The following TMEM238 variants were observed in gnomAD, a reference collection of about 807,000 sequenced individuals.
TMEM238 encodes transmembrane protein 238.
For missense variants in TMEM238, 169 were observed against 206.8 expected (o/e 0.82, Z 1.12); for synonymous variants, 103 against 111.5 (o/e 0.92, Z 0.48).
intron 1 of TMEM238, among the ~76,000 whole-genome samples, chr19:55,380,777 A>C (rs980101027): frequency 6.3e-5 from 9 of 143,720 alleles, no homozygotes; most frequent in Admixed American, 3.5e-4. Context: ...TCACTCTGTC[A>C]CTCAGGCTGG....
chr19:55,381,394 GACA>G (rs2089886164), intron 1 of TMEM238, among the ~76,000 whole-genome samples: 1 of 111,686 alleles, frequency 9.0e-6, no homozygotes, highest in Non-Finnish European at 1.7e-5. Flanking sequence ...CTCCAGCCTG[GACA>G]ACAAGAGTGT....
chr19:55,380,122 C>G lies in TMEM238; in HGVS notation c.*8-755G>C, dbSNP rs905094399. On this transcript the variant is annotated intron_variant, in intron 1 of 1. Coordinates refer to ENST00000444469, the MANE Select transcript of TMEM238 (RefSeq NM_001190764.2). ...GAAGCTGCTCACTCTCCCCAGTAAA[C>G]AAGAGTCCTGGGTTTGAACAGGCCC... is the stretch of plus-strand genomic sequence containing the variant. Among the ~76,000 whole-genome samples, 315 of 152,040 alleles carry G rather than the reference C, an allele frequency of 2.1e-3. 2 individuals carry two copies. The highest frequency in any genetic ancestry group is 1.2e-3 in the Non-Finnish European group (80 of 67,968).
chr19:55,381,663 C>T (rs1320042519), intron 1 of TMEM238, among the ~76,000 whole-genome samples: 4 of 152,102 alleles, frequency 2.6e-5, no homozygotes, highest in African/African-American at 9.7e-5. Flanking sequence ...GCTGGGCAAA[C>T]TCTGACTGTC....
intron 1 of TMEM238, among the ~76,000 whole-genome samples, chr19:55,380,963 C>A (rs1178193452): frequency 1.3e-5 from 2 of 152,178 alleles, no homozygotes; most frequent in Non-Finnish European, 2.9e-5. Flanking sequence ...CTATGCCAAG[C>A]TTCATGTTAG....
Position 55,384,110 on chromosome 19 carries a change from C to T in TMEM238, c.150G>A (p.Ala50=). 2 of 1,451,186 alleles carry T rather than the reference C, an allele frequency of 1.4e-6. No homozygotes were observed. Among genetic ancestry groups the T allele is most frequent in the South Asian group, 2.5e-5 (2 of 79,406 alleles). 89.9% of individuals were successfully genotyped at this position (1,451,186 alleles called of 1,614,324 possible). Reference sequence around the variant, plus strand: ...GCGCGAACACGCCGGTCAGCAGCGCCGCCATGCCCGCCACATCCAGCGCCA... The same window carrying T: ...GCGCGAACACGCCGGTCAGCAGCGCTGCCATGCCCGCCACATCCAGCGCCA... ...LAVALDVAGM[A]ALLTGVFAQL... Residue 50 remains alanine (A), a synonymous_variant, in exon 1 of 2, where the codon GCG becomes GCA. Coordinates refer to ENST00000444469, the MANE Select transcript of TMEM238 (RefSeq NM_001190764.2). The surrounding 1 kb of genome is among the most constrained non-coding windows in gnomAD (Gnocchi z 5.6).
intron 1 of TMEM238, among the ~76,000 whole-genome samples, chr19:55,382,666 G>A (rs1298495257): frequency 6.6e-6 from 1 of 152,146 alleles, no homozygotes; most frequent in Non-Finnish European, 1.5e-5. Context: ...AATATGGGGG[G>A]TCCACAGGCC....
chr19:55,383,821 G>A lies in TMEM238; in HGVS notation c.439C>T (p.Pro147Ser), dbSNP rs2089895939. 1.1e-5 allele frequency: 6 copies of A among 525,050 alleles called. No individual in the cohort carries two copies. The highest frequency in any genetic ancestry group is 1.5e-5 in the Non-Finnish European group (6 of 412,240). The allele number at this position is 525,050 out of a possible 1,614,324, so 32.5% of individuals were successfully genotyped here. The stretch of plus-strand genomic sequence containing the variant: ...CGGGAGCCGGCGGCGGGCGGCGGGG[G>A]CGCGCGGGCGGCTCGGCGCGCTCTC... ...SRRARRAARA[P>S]PPPAAGSRRV... Residue 147 changes from proline (P) to serine (S), a missense_variant, in exon 1 of 2, where the codon CCC becomes TCC. Physicochemically the swap from Pro to Ser is moderately conservative, Grantham distance 74. Coordinates refer to ENST00000444469, the MANE Select transcript of TMEM238 (RefSeq NM_001190764.2). The surrounding 1 kb of genome is among the most constrained non-coding windows in gnomAD (Gnocchi z 4.9).
rs2089895891 is a variant in TMEM238 at position 55,383,818 on chromosome 19, G to C, written c.442C>G (p.Pro148Ala). 2.0e-6 allele frequency: 1 copy of C among 498,488 alleles called. No homozygotes were observed. The highest frequency in any genetic ancestry group is 2.6e-6 in the Non-Finnish European group (1 of 388,088). 30.9% of individuals were successfully genotyped at this position (498,488 alleles called of 1,614,324 possible). A position where few individuals can be genotyped will look rare whatever the true frequency, so the allele number is the denominator to read the frequency against. ...RRARRAARAPPPPAAGSRRVR... is the reference protein window; with the variant it reads ...RRARRAARAPAPPAAGSRRVR... ...CGGCGGGAGCCGGCGGCGGGCGGCG[G>C]GGGCGCGCGGGCGGCTCGGCGCGCT... Residue 148 changes from proline (P) to alanine (A), a missense_variant, in exon 1 of 2, where the codon CCG becomes GCG. Transcript: ENST00000444469. This position sits in a 1 kb window ranked among gnomAD's most constrained non-coding sequence, Gnocchi z 4.9.
Position 55,383,421 on chromosome 19 carries a change from G to C in TMEM238, c.*7+301C>G, listed in dbSNP as rs2089893585. ...CAAAACAAAACAAAACAAAAAATGG[G>C]GCCTGGTGTACCTGGAAGCTGGGGC... On this transcript the variant is annotated intron_variant, in intron 1 of 1. Coordinates refer to ENST00000444469, the MANE Select transcript of TMEM238 (RefSeq NM_001190764.2). This position sits in a 1 kb window ranked among gnomAD's most constrained non-coding sequence, Gnocchi z 4.9. Among the ~76,000 whole-genome samples, 1 of 152,012 alleles carries C rather than the reference G, an allele frequency of 6.6e-6. No homozygotes were observed. Among genetic ancestry groups the C allele is most frequent in the African/African-American group, 2.4e-5 (1 of 41,402 alleles).
chr19:55,379,613 A>C (rs536945518), intron 1 of TMEM238, among the ~76,000 whole-genome samples: 2 of 152,142 alleles, frequency 1.3e-5, no homozygotes, highest in Non-Finnish European at 2.9e-5. Context: ...GAGAGGCAGA[A>C]AGGGGGAGAC....
chr19:55,380,532 C>G (rs1035545138), intron 1 of TMEM238, among the ~76,000 whole-genome samples: 1 of 148,892 alleles, frequency 6.7e-6, no homozygotes, highest in African/African-American at 2.5e-5. Flanking sequence ...TCAAGTGATT[C>G]TCCTGCCTCA....
intron 1 of TMEM238, among the ~76,000 whole-genome samples, chr19:55,381,593 C>T (rs1302500081): frequency 6.6e-6 from 1 of 152,084 alleles, no homozygotes; most frequent in Admixed American, 6.5e-5. Flanking sequence ...CATTCAGCCC[C>T]AACCATCTAT....
At chr19:55,379,732 G>A (rs910692334) in intron 1 of TMEM238, among the ~76,000 whole-genome samples, 8 of 152,116 alleles carry the variant, frequency 5.3e-5, no homozygotes, top group African/African-American at 1.9e-4. Context: ...CAGACACAGT[G>A]AAGACAGAAG....
intron 1 of TMEM238, among the ~76,000 whole-genome samples, chr19:55,379,614 AG>A (rs1190755000): frequency 6.6e-6 from 1 of 152,160 alleles, no homozygotes; most frequent in Non-Finnish European, 1.5e-5. Context: ...AGAGGCAGAA[AG>A]GGGGAGACGA....
In TMEM238 at chr19:55,384,090, A is replaced by G; in HGVS notation, c.170T>C (p.Phe57Ser). ...AGMAALLTGV[F>S]AQLQVRGRDF... is the part of the protein sequence containing the mutation. ...GCGGCCGCGCACCTGCAGCTGCGCG[A>G]ACACGCCGGTCAGCAGCGCCGCCAT... The change falls in exon 1 of 2, where the codon TTC becomes TCC. Residue 57 changes from phenylalanine to serine, a missense_variant. Phe to Ser is a radical substitution (Grantham distance 155). Transcript: ENST00000444469. This position sits in a 1 kb window ranked among gnomAD's most constrained non-coding sequence, Gnocchi z 5.6. 1 of 1,470,376 alleles carries G rather than the reference A, an allele frequency of 6.8e-7. No homozygotes were observed. Among genetic ancestry groups the G allele is most frequent in the Non-Finnish European group, 9.0e-7 (1 of 1,107,708 alleles). 91.1% of individuals were successfully genotyped at this position (1,470,376 alleles called of 1,614,324 possible). A position where few individuals can be genotyped will look rare whatever the true frequency, so the allele number is the denominator to read the frequency against.
Position 55,383,792 on chromosome 19 carries a change from G to A in TMEM238, c.468C>T (p.Arg156=). 1 of 307,156 alleles carries A rather than the reference G, an allele frequency of 3.3e-6. No individual in the cohort carries two copies. Among genetic ancestry groups the A allele is most frequent in the Non-Finnish European group, 4.9e-6 (1 of 204,314 alleles). The allele number at this position is 307,156 out of a possible 1,614,324, so 19.0% of individuals were successfully genotyped here. The change falls in exon 1 of 2, where the codon CGC becomes CGT. Residue 156 remains arginine, a synonymous_variant. Coordinates refer to ENST00000444469, the MANE Select transcript of TMEM238 (RefSeq NM_001190764.2). The surrounding 1 kb of genome is among the most constrained non-coding windows in gnomAD (Gnocchi z 4.9). The part of the protein sequence containing the change: ...APPPPAAGSR[R]VRLQLATLEA... ...CGAGCGTGGCGAGCTGCAGGCGCAC[G>A]CGGCGGGAGCCGGCGGCGGGCGGCG... is the stretch of plus-strand genomic sequence containing the variant.
chr19:55,382,074 T>C (rs1416041802), intron 1 of TMEM238, among the ~76,000 whole-genome samples: 1 of 145,054 alleles, frequency 6.9e-6, no homozygotes, highest in Non-Finnish European at 1.5e-5. Flanking sequence ...CATCTACCCA[T>C]CCACCTATCC....
At chr19:55,379,555 T>G (rs540036642) in intron 1 of TMEM238, among the ~76,000 whole-genome samples, 188 bp from the exon 2 acceptor site, 1 of 152,202 alleles carries the variant, frequency 6.6e-6, no homozygotes, top group East Asian at 1.9e-4. Flanking sequence ...CGTGTGTACC[T>G]TTAACGCCCT....
At chr19:55,381,477 T>C (rs1405620629) in intron 1 of TMEM238, among the ~76,000 whole-genome samples, 3 of 145,484 alleles carry the variant, frequency 2.1e-5, no homozygotes, top group South Asian at 2.2e-4. Context: ...CGTCCTAGGA[T>C]AATAGGGTTT....
Sources: gnomAD v4.1 joint callset for allele counts (sites outside exome capture counted in the v4.1 genomes callset) on GRCh38, gnomAD v4.1.1 for gene constraint, Gnocchi (gnomAD v3.1) non-coding constraint, MANE v1.5 for transcripts, NCBI Gene and HGNC (gene_info 2026-07-23, HGNC 2026-07-21) for gene names.